The following PRR5 variants were observed in gnomAD, a reference collection of about 807,000 sequenced individuals.
PRR5 encodes proline-rich protein 5.
PRR5 carries 25 observed loss-of-function variants against 30.6 expected under a neutral mutation model. The observed-to-expected ratio is 0.82, with a 90% CI of 0.60 to 1.14. The LOEUF is 1.14. Among genes scored for constraint, PRR5 ranks in the 50% most tolerant of loss-of-function variants. PRR5 has a pLI of 0.00. For missense variants in PRR5, 600 were observed against 547.1 expected (o/e 1.10, Z -0.96); for synonymous variants, 286 against 247.1 (o/e 1.16, Z -1.48).
At chr22:44,731,465 T>C in intron 4 of PRR5, 1 of 542,496 alleles carries the variant, frequency 1.8e-6, no homozygotes, top group Non-Finnish European at 3.3e-6. Flanking sequence ...AAGTTCCCTG[T>C]GCCTTAGGCT....
At chr22:44,688,141 T>C (rs868020393) in intron 1 of PRR5, among the ~76,000 whole-genome samples, 1 of 147,724 alleles carries the variant, frequency 6.8e-6, no homozygotes, top group South Asian at 2.4e-4. Flanking sequence ...ACCAACACTT[T>C]GGGAGGCTGA....
At chr22:44,670,785 G>C (rs936514359) in intron 1 of PRR5, among the ~76,000 whole-genome samples, 1 of 152,190 alleles carries the variant, frequency 6.6e-6, no homozygotes, top group Non-Finnish European at 1.5e-5. Flanking sequence ...TGTGGTGCCA[G>C]CTTTCCTGCT....
intron 2 of PRR5, among the ~76,000 whole-genome samples, chr22:44,718,706 G>C (rs565782045): frequency 6.6e-6 from 1 of 152,260 alleles, no homozygotes; most frequent in Admixed American, 6.5e-5. Context: ...CCGAGAAGTG[G>C]CATCTGTTTG....
chr22:44,670,587 A>G (rs1305836287), intron 1 of PRR5, among the ~76,000 whole-genome samples: 1 of 152,220 alleles, frequency 6.6e-6, no homozygotes, highest in Non-Finnish European at 1.5e-5. Flanking sequence ...AAGGGCTGGC[A>G]CTTCTGTGTC....
At chr22:44,718,267 T>C (rs1929413613) in intron 2 of PRR5, among the ~76,000 whole-genome samples, 1 of 144,584 alleles carries the variant, frequency 6.9e-6, no homozygotes, top group South Asian at 2.3e-4. Flanking sequence ...CGATCTTGGC[T>C]CACTGCAACC....
chr22:44,705,049 C>T (rs186298677), intron 1 of PRR5, among the ~76,000 whole-genome samples: 1 of 152,298 alleles, frequency 6.6e-6, no homozygotes, highest in Admixed American at 6.5e-5. Flanking sequence ...ATTATGAGTC[C>T]AAGACACACC....
chr22:44,692,730 G>A (rs1243929570), intron 1 of PRR5, among the ~76,000 whole-genome samples: 1 of 152,230 alleles, frequency 6.6e-6, no homozygotes, highest in Non-Finnish European at 1.5e-5. Flanking sequence ...CAGGTTGGGA[G>A]TGCAGCCCGG....
At chr22:44,731,050 GA>G in intron 4 of PRR5, 1 of 297,470 alleles carries the variant, frequency 3.4e-6, no homozygotes, top group African/African-American at 2.2e-5. Flanking sequence ...GTGGGGGAAG[GA>G]GGGAGGAGGT....
At chr22:44,709,162 C>T (rs941982015) in intron 1 of PRR5, among the ~76,000 whole-genome samples, 4 of 151,886 alleles carry the variant, frequency 2.6e-5, no homozygotes, top group Non-Finnish European at 4.4e-5. Context: ...GGCCTGTGTT[C>T]GGCTCCCCAC....
chr22:44,693,793 C>CTTT (rs1244455601), intron 1 of PRR5, among the ~76,000 whole-genome samples: 2 of 62,804 alleles, frequency 3.2e-5, no homozygotes, highest in African/African-American at 1.4e-4. Flanking sequence ...CCACACTCGG[C>CTTT]TATTTTTTTT....
At chr22:44,733,969 CACTT>C (rs1219139494) in intron 6 of PRR5, 2 of 152,240 alleles carry the variant, frequency 1.3e-5, no homozygotes, top group African/African-American at 4.8e-5. Context: ...GCTGGATTGT[CACTT>C]ACAATTGTAC....
upstream of PRR5, among the ~76,000 whole-genome samples, chr22:44,700,561 G>A (rs1926167521): frequency 1.3e-5 from 2 of 152,322 alleles, no homozygotes; most frequent in Admixed American, 6.5e-5. Flanking sequence ...AGGAGGTAGA[G>A]GCTGCAGTGA....
intron 1 of PRR5, among the ~76,000 whole-genome samples, chr22:44,713,196 G>A (rs1928523935): frequency 6.6e-6 from 1 of 152,192 alleles, no homozygotes; most frequent in African/African-American, 2.4e-5. Context: ...GGCAGGGAAG[G>A]AACTGCAGCC....
upstream of PRR5, among the ~76,000 whole-genome samples, chr22:44,675,565 A>G (rs995546494): frequency 6.6e-6 from 1 of 152,082 alleles, no homozygotes; most frequent in Non-Finnish European, 1.5e-5. Flanking sequence ...CACATGCACA[A>G]TGACGTGGAA....
chr22:44,688,402 C>T (rs566744219), intron 1 of PRR5, among the ~76,000 whole-genome samples: 2 of 152,080 alleles, frequency 1.3e-5, no homozygotes, highest in African/African-American at 4.8e-5. Context: ...AAAATATTTC[C>T]TGCAATGTTA....
At chr22:44,734,820 C>T (rs535124170) in intron 6 of PRR5, 5 of 666,160 alleles carry the variant, frequency 7.5e-6, no homozygotes, top group East Asian at 5.5e-5. Flanking sequence ...CCCGACGCTG[C>T]TGTGAGCAGC....
intron 4 of PRR5, 197 bp from the exon 5 acceptor site, chr22:44,731,533 G>C: frequency 1.7e-6 from 1 of 599,618 alleles, no homozygotes. Flanking sequence ...TTTATAAATG[G>C]AAGACTGAGG....
intron 3 of PRR5, among the ~76,000 whole-genome samples, chr22:44,726,091 G>A (rs1457690574): frequency 6.6e-6 from 1 of 152,182 alleles, no homozygotes; most frequent in Non-Finnish European, 1.5e-5. Flanking sequence ...TGTGGAGATG[G>A]GCTGCATTTT....
chr22:44,719,708 G>A (rs899400848), intron 2 of PRR5, among the ~76,000 whole-genome samples: 3 of 152,138 alleles, frequency 2.0e-5, no homozygotes, highest in Non-Finnish European at 4.4e-5. Context: ...CATGAGAAGC[G>A]TGCATCTGAG....
Sources: gnomAD v4.1 joint callset for allele counts (sites outside exome capture counted in the v4.1 genomes callset) on GRCh38, gnomAD v4.1.1 for gene constraint, MANE v1.5 for transcripts, NCBI Gene and HGNC (gene_info 2026-07-23, HGNC 2026-07-21) for gene names.